GRK4: variants seen among roughly 807,000 people sequenced by gnomAD.
GRK4 encodes the protein G protein-coupled receptor kinase 4, also known as G protein-coupled receptor kinase 2-like.
Under a neutral mutation model 77.9 loss-of-function variants are expected in GRK4, and 73 were observed. The ratio of observed to expected loss-of-function variants is 0.94; its 90% confidence interval spans 0.78 to 1.14. GRK4 has a LOEUF of 1.14. Among genes scored for constraint, GRK4 ranks in the 50% most tolerant of loss-of-function variants. The probability of loss-of-function intolerance (pLI) is 0.00; values close to 1 mark genes in which losing one functional copy is unlikely to be tolerated. For missense variants in GRK4, 729 were observed against 700.2 expected, an observed-to-expected ratio of 1.04 and a Z score of -0.46; for synonymous variants, 257 against 254.4, an observed-to-expected ratio of 1.01 and a Z score of -0.10.
Position 2,963,994 on chromosome 4 carries a change from C to A in GRK4, c.-77C>A. Reference sequence around the variant, plus strand: ...GTGCCCGGCGAGCTATGCACGGGGGCGGCGGCGTCTCCTCCTGTTCCGCCT... The same window carrying A: ...GTGCCCGGCGAGCTATGCACGGGGGAGGCGGCGTCTCCTCCTGTTCCGCCT... On this transcript the variant is annotated 5_prime_UTR_variant, in exon 1 of 16. Transcript: ENST00000398052. 1.5e-6 allele frequency: 2 copies of A among 1,301,528 alleles called. No homozygotes were observed. The highest frequency in any genetic ancestry group is 1.2e-5 in the South Asian group (1 of 80,710). The allele number at this position is 1,301,528 out of a possible 1,614,324, so 80.6% of individuals were successfully genotyped here.
Position 3,015,994 on chromosome 4 carries a change from C to T in GRK4, c.741+2166C>T, listed in dbSNP as rs548612346. On this transcript the variant is annotated intron_variant, in intron 8 of 15. Coordinates refer to ENST00000398052, the MANE Select transcript of GRK4 (RefSeq NM_182982.3). ...CGCGATCTTGGCTCACTGCAACATC[C>T]GGCTCCCGGGCTCAAGTGATTCTCC... 5.2e-4 allele frequency among the ~76,000 whole-genome samples: 79 copies of T among 151,076 alleles called. 1 individual carries two copies. The highest frequency in any genetic ancestry group is 1.6e-3 in the African/African-American group (64 of 41,276).
Position 3,037,484 on chromosome 4 carries a change from G to T in GRK4, c.1518G>T (p.Gly506=). The T allele has an allele frequency of 6.2e-7, 1 of 1,608,818 alleles. No individual in the cohort carries two copies. The highest frequency in any genetic ancestry group is 8.5e-7 in the Non-Finnish European group (1 of 1,175,576). The change falls in exon 14 of 16, where the codon GGG becomes GGT. Residue 506 remains glycine (G), a synonymous_variant. Transcript: ENST00000398052. ...ACTTCTATGCTCGGTTTGCTACCGGGTGTGTCTCCATCCCCTGGCAGAATG... is the reference window on the plus strand; with the variant it reads ...ACTTCTATGCTCGGTTTGCTACCGGTTGTGTCTCCATCCCCTGGCAGAATG... ...DEDFYARFAT[G]CVSIPWQNEM... is the part of the protein sequence containing the mutation.
chr4:2,977,736 G>A (rs1721638047), intron 1 of GRK4, among the ~76,000 whole-genome samples: 1 of 152,140 alleles, frequency 6.6e-6, no homozygotes, highest in South Asian at 2.1e-4. Flanking sequence ...AAGCGAGAGA[G>A]CACGGAGAAC....
At chr4:3,005,256 C>A (rs754473612) in intron 5 of GRK4, among the ~76,000 whole-genome samples, 2 of 151,752 alleles carry the variant, frequency 1.3e-5, no homozygotes, top group Non-Finnish European at 2.9e-5. Flanking sequence ...GCGGAGGAAA[C>A]GGAGGCCCAG....
chr4:3,022,892 G>C (rs1017793949), intron 10 of GRK4, among the ~76,000 whole-genome samples: 1 of 151,974 alleles, frequency 6.6e-6, no homozygotes, highest in South Asian at 2.1e-4. Context: ...GTCATGCTAT[G>C]TTGCCCAGGC....
At position 2,965,395 on chromosome 4, in the gene GRK4, G is replaced by C. The variant is rs2109349511; in HGVS notation, c.52+1273G>C. The C allele has an allele frequency of 5.7e-6, 4 of 703,056 alleles. No individual in the cohort carries two copies. The East Asian group carries it at 1.1e-4, about 19-fold the overall frequency. The allele number at this position is 703,056 out of a possible 1,614,324, so 43.6% of individuals were successfully genotyped here. ...ACAGAGCCTCGGACCTCAAGTCCCT[G>C]TGCTAGCCACGGTAGTTCTTCACAC... is the stretch of plus-strand genomic sequence containing the variant. On this transcript the variant is annotated intron_variant, in intron 1 of 15. Transcript: ENST00000398052.
At chr4:2,985,093 A>G (rs1040517375) in intron 2 of GRK4, among the ~76,000 whole-genome samples, 10 of 152,138 alleles carry the variant, frequency 6.6e-5, no homozygotes, top group African/African-American at 2.4e-4. Context: ...AGCCTTCCAG[A>G]CAGTTTTCTA....
intron 1 of GRK4, among the ~76,000 whole-genome samples, chr4:2,974,777 G>T (rs73792114): frequency 6.6e-6 from 1 of 152,156 alleles, no homozygotes; most frequent in African/African-American, 2.4e-5. Flanking sequence ...CCTGTCACCC[G>T]AGTGGTACAC....
At chr4:2,972,855 G>C (rs1036113654) in intron 1 of GRK4, among the ~76,000 whole-genome samples, 2 of 152,060 alleles carry the variant, frequency 1.3e-5, no homozygotes, top group African/African-American at 4.8e-5. Context: ...CTGCCTCAGC[G>C]TCCCGAGTAG....
intron 4 of GRK4, among the ~76,000 whole-genome samples, chr4:3,001,947 C>G (rs1358765837): frequency 1.3e-5 from 2 of 152,126 alleles, no homozygotes; most frequent in Non-Finnish European, 1.5e-5. Context: ...TTCATTGAAT[C>G]TGGACAGTGG....
chr4:2,972,411 G>A (rs894193348), intron 1 of GRK4, among the ~76,000 whole-genome samples: 3 of 152,126 alleles, frequency 2.0e-5, no homozygotes, highest in African/African-American at 4.8e-5. Flanking sequence ...GCCAAACAGC[G>A]GGGACGTGGA....
chr4:3,008,752 G>A (rs57779369), intron 6 of GRK4, among the ~76,000 whole-genome samples: 2,436 of 150,742 alleles, frequency 0.016, 59 homozygotes, highest in African/African-American at 0.057. Context: ...GCAGTGAGCT[G>A]AGGTGGCTCC....
chr4:3,031,260 G>A (rs887248891), intron 12 of GRK4, among the ~76,000 whole-genome samples: 1 of 152,258 alleles, frequency 6.6e-6, no homozygotes, highest in African/African-American at 2.4e-5. Context: ...GGCTGTGAAC[G>A]GTCTCTTATG....
intron 12 of GRK4, among the ~76,000 whole-genome samples, chr4:3,034,953 C>T (rs576548711): frequency 6.6e-5 from 10 of 152,070 alleles, no homozygotes; most frequent in Admixed American, 1.3e-4. Context: ...CTGCTTGATG[C>T]TTGGAAATTA....
At chr4:2,979,717 AC>A (rs1221324558) in intron 1 of GRK4, among the ~76,000 whole-genome samples, 2 of 151,360 alleles carry the variant, frequency 1.3e-5, no homozygotes, top group Admixed American at 6.6e-5. Flanking sequence ...CCGTCCCCCT[AC>A]CCCCCCAAAA....
At position 3,022,460 on chromosome 4, in the gene GRK4, G is replaced by A. The variant is rs1161762985; in HGVS notation, c.970+9G>A. The A allele has an allele frequency of 1.2e-6, 2 of 1,613,504 alleles. No homozygotes were observed. The highest frequency in any genetic ancestry group is 1.1e-5 in the South Asian group (1 of 90,982). The stretch of plus-strand genomic sequence containing the variant: ...TCTCCTTGATGATCGTGGTAAGTGG[G>A]CAAGCCTTTCACATCTAATGGGTAG... On this transcript the variant is annotated intron_variant, in intron 10 of 15. Transcript: ENST00000398052.
rs1726510662 is a variant in GRK4, at chr4:2,992,437, C to T, written c.339+145C>T. Reference sequence around the variant, plus strand: ...CCTGACGCCTGTAATCCCAGCACTTCGGGAGGCTGAGGAAGGAGGATCTCT... The same window carrying T: ...CCTGACGCCTGTAATCCCAGCACTTTGGGAGGCTGAGGAAGGAGGATCTCT... On this transcript the variant is annotated intron_variant, in intron 4 of 15. Coordinates refer to ENST00000398052, the MANE Select transcript of GRK4 (RefSeq NM_182982.3). 1.4e-4 allele frequency: 74 copies of T among 544,330 alleles called. 1 individual carries two copies. In the South Asian group the frequency reaches 1.4e-3, roughly 10 times the overall value. 33.7% of individuals were successfully genotyped at this position (544,330 alleles called of 1,614,324 possible). A position where few individuals can be genotyped will look rare whatever the true frequency, so the allele number is the denominator to read the frequency against.
chr4:2,992,803 A>G (rs781346873), intron 4 of GRK4, among the ~76,000 whole-genome samples: 2 of 152,122 alleles, frequency 1.3e-5, no homozygotes, highest in Non-Finnish European at 2.9e-5. Flanking sequence ...CAATATGGCA[A>G]AACCGCATTG....
intron 1 of GRK4, among the ~76,000 whole-genome samples, chr4:2,979,427 G>C (rs67653639): frequency 0.31 from 40,448 of 131,574 alleles, 6,193 homozygotes; most frequent in Middle Eastern, 0.34. Context: ...AAAAAAAAAA[G>C]AGTGGCCAGG....
Sources: gnomAD v4.1 joint callset for allele counts (sites outside exome capture counted in the v4.1 genomes callset) on GRCh38, gnomAD v4.1.1 for gene constraint, MANE v1.5 for transcripts, NCBI Gene and HGNC (gene_info 2026-07-23, HGNC 2026-07-21) for gene names.